Variants in DOK5 observed in about 807,000 individuals in gnomAD.
DOK5 encodes docking protein 5.
Under a neutral mutation model 43.3 loss-of-function variants are expected in DOK5, and 27 were observed. That is an observed-to-expected ratio of 0.62 (90% CI 0.46 to 0.86). DOK5 has a LOEUF of 0.86. DOK5 is among the 40% of genes least tolerant of loss of function. The pLI is 0.00. For missense variants in DOK5, 373 were observed against 392.9 expected (o/e 0.95, Z 0.43); for synonymous variants, 146 against 140.1 (o/e 1.04, Z -0.30).
intron 1 of DOK5, among the ~76,000 whole-genome samples, chr20:54,485,968 G>C (rs1331248149): frequency 6.6e-6 from 1 of 152,130 alleles, no homozygotes; most frequent in Non-Finnish European, 1.5e-5. Flanking sequence ...TGCCTGGATT[G>C]CTTATTTTTT....
chr20:54,557,527 C>T (rs547804852), intron 2 of DOK5, among the ~76,000 whole-genome samples: 10 of 152,244 alleles, frequency 6.6e-5, no homozygotes, highest in Admixed American at 6.5e-4. Context: ...GGATGAGGGT[C>T]CCTGGTCAAT....
At chr20:54,567,489 G>C (rs1030040304) in intron 2 of DOK5, among the ~76,000 whole-genome samples, 2 of 151,752 alleles carry the variant, frequency 1.3e-5, no homozygotes, top group Non-Finnish European at 1.5e-5. Context: ...AATTATTTGG[G>C]CATATTTATG....
chr20:54,562,966 C>T (rs73276962), intron 2 of DOK5, among the ~76,000 whole-genome samples: 4,724 of 152,128 alleles, frequency 0.031, 255 homozygotes, highest in African/African-American at 0.11. Context: ...GTGGGATTAT[C>T]GGATTAGAGT....
intron 1 of DOK5, among the ~76,000 whole-genome samples, chr20:54,487,721 C>T (rs1289987861): frequency 3.3e-5 from 5 of 152,152 alleles, no homozygotes; most frequent in Admixed American, 2.0e-4. Context: ...GTACCCAATA[C>T]CATCCTCTTA....
intron 1 of DOK5, among the ~76,000 whole-genome samples, chr20:54,544,044 A>G (rs932895693): frequency 1.3e-5 from 2 of 152,210 alleles, no homozygotes; most frequent in Non-Finnish European, 2.9e-5. Context: ...CACCACCAGG[A>G]AAGGGTTGGC....
chr20:54,494,552 T>A (rs1982314062), intron 1 of DOK5, among the ~76,000 whole-genome samples: 1 of 152,220 alleles, frequency 6.6e-6, no homozygotes, highest in African/African-American at 2.4e-5. Context: ...TTGGGTGTGG[T>A]GGCTGGCACC....
At chr20:54,527,867 C>G (rs757547753) in intron 1 of DOK5, among the ~76,000 whole-genome samples, 3 of 152,152 alleles carry the variant, frequency 2.0e-5, no homozygotes, top group Non-Finnish European at 4.4e-5. Context: ...AAGGAGAACA[C>G]TGTGGAACAT....
intron 1 of DOK5, among the ~76,000 whole-genome samples, chr20:54,500,503 T>C (rs988502721): frequency 7.9e-5 from 12 of 151,988 alleles, no homozygotes; most frequent in African/African-American, 2.9e-4. Context: ...TCCTAAACAT[T>C]GAAAGTTTCA....
chr20:54,650,012 A>G (rs538382785), intron 7 of DOK5, among the ~76,000 whole-genome samples: 1 of 152,354 alleles, frequency 6.6e-6, no homozygotes, highest in African/African-American at 2.4e-5. Flanking sequence ...AATGAATTTT[A>G]GGAAGTTCTC....
At chr20:54,488,992 A>C (rs1159334047) in intron 1 of DOK5, among the ~76,000 whole-genome samples, 2 of 152,060 alleles carry the variant, frequency 1.3e-5, no homozygotes, top group East Asian at 3.9e-4. Context: ...GAATGGATGA[A>C]TGGTTTTACT....
chr20:54,647,664 G>A (rs530148643), intron 7 of DOK5, among the ~76,000 whole-genome samples: 3 of 149,932 alleles, frequency 2.0e-5, no homozygotes, highest in African/African-American at 7.4e-5. Context: ...TCCTTGGAAA[G>A]CTAACTCTGG....
chr20:54,583,413 T>G (rs747201405), intron 2 of DOK5, among the ~76,000 whole-genome samples: 1 of 152,148 alleles, frequency 6.6e-6, no homozygotes, highest in Non-Finnish European at 1.5e-5. Context: ...TCAGTGTTGT[T>G]CAAGCACTCT....
rs545342814 is a variant in DOK5 at position 54,593,194 on chromosome 20, C to G, written c.599+1389C>G. On this transcript the variant is annotated intron_variant, in intron 5 of 7. Coordinates refer to ENST00000262593, the MANE Select transcript of DOK5 (RefSeq NM_018431.5). ...AATGGCGTGAACCTGGGAGATGGAGCTTGCAGTGGGCTGAGATCACCCACT... is the reference window on the plus strand; with the variant it reads ...AATGGCGTGAACCTGGGAGATGGAGGTTGCAGTGGGCTGAGATCACCCACT... Among the ~76,000 whole-genome samples, 66 of 151,532 alleles carry G rather than the reference C, an allele frequency of 4.4e-4. 1 individual carries two copies. The highest frequency in any genetic ancestry group is 7.7e-4 in the Non-Finnish European group (52 of 67,956).
At chr20:54,647,553 G>A (rs13433169) in intron 7 of DOK5, among the ~76,000 whole-genome samples, 4,300 of 150,312 alleles carry the variant, frequency 0.029, 222 homozygotes, top group African/African-American at 0.099. Context: ...ACTTACAGAA[G>A]CAATCAACAA....
At chr20:54,641,716 A>C (rs1459910606) in intron 6 of DOK5, among the ~76,000 whole-genome samples, 1 of 152,162 alleles carries the variant, frequency 6.6e-6, no homozygotes, top group East Asian at 1.9e-4. Context: ...CTAAAATGAC[A>C]TTGCACTAGG....
At chr20:54,587,777 T>C (rs1325659335) in intron 2 of DOK5, among the ~76,000 whole-genome samples, 1 of 152,106 alleles carries the variant, frequency 6.6e-6, no homozygotes, top group African/African-American at 2.4e-5. Context: ...ATGGCTTTCC[T>C]CCCTGCTAGG....
intron 2 of DOK5, among the ~76,000 whole-genome samples, chr20:54,575,997 A>G (rs1224074506): frequency 1.3e-5 from 2 of 152,210 alleles, no homozygotes; most frequent in East Asian, 3.8e-4. Context: ...AAAATTTTGG[A>G]AAAGAAAATC....
At chr20:54,490,345 T>C (rs113181940) in intron 1 of DOK5, among the ~76,000 whole-genome samples, 4,038 of 152,272 alleles carry the variant, frequency 0.027, 173 homozygotes, top group African/African-American at 0.088. Context: ...TATATACATA[T>C]ACATACGTAT....
chr20:54,590,515 A>AG (rs11482472), intron 4 of DOK5, among the ~76,000 whole-genome samples: 19,299 of 151,534 alleles, frequency 0.13, 1,819 homozygotes, highest in African/African-American at 0.26. Context: ...GGAACTTTCA[A>AG]GGGGGGGGAA....
Sources: allele counts gnomAD v4.1 joint callset (sites outside exome capture counted in the v4.1 genomes callset), GRCh38; gene constraint gnomAD v4.1.1; transcripts MANE v1.5; gene names NCBI Gene and HGNC (gene_info 2026-07-23, HGNC 2026-07-21).